C16orf74: variants seen among roughly 807,000 people sequenced by gnomAD.
C16orf74 encodes the protein calcimembrin.
C16orf74 carries 10 observed loss-of-function variants against 6.5 expected under a neutral mutation model. That is an observed-to-expected ratio of 1.54 (90% CI 0.95 to 2.61). C16orf74 has a LOEUF of 2.61. C16orf74 is among the 30% of genes most tolerant of loss of function. The probability of loss-of-function intolerance (pLI) is 0.00; values close to 1 mark genes in which losing one functional copy is unlikely to be tolerated. For missense variants in C16orf74, 141 were observed against 105.9 expected, an observed-to-expected ratio of 1.33 and a Z score of -1.45; for synonymous variants, 60 against 42.5, an observed-to-expected ratio of 1.41 and a Z score of -1.60.
intron 2 of C16orf74, among the ~76,000 whole-genome samples, chr16:85,727,713 C>G (rs896058470): frequency 1.3e-5 from 2 of 151,936 alleles, no homozygotes; most frequent in African/African-American, 4.8e-5. Flanking sequence ...ACTTGGGAGG[C>G]TGAGGTGGGA....
At chr16:85,743,102 C>G (rs1315623755) in intron 1 of C16orf74, among the ~76,000 whole-genome samples, 2 of 152,088 alleles carry the variant, frequency 1.3e-5, no homozygotes, top group Admixed American at 1.3e-4. Flanking sequence ...GTGTGGAGAG[C>G]CCTGTCCACT....
intron 1 of C16orf74, among the ~76,000 whole-genome samples, chr16:85,736,565 G>C (rs891312474): frequency 7.9e-5 from 12 of 152,224 alleles, no homozygotes; most frequent in African/African-American, 1.9e-4. Context: ...CCGGGGCCTT[G>C]GGAAGGGAGG....
At position 85,718,135 on chromosome 16, in the gene C16orf74, C is replaced by T. The variant is rs185944928; in HGVS notation, c.29-7828G>A. ...TTTGAGACAGGGTCTCTCTCTGTGGCTCAGGTTCACTGCAGCCTGGACTTC... is the reference window on the plus strand; with the variant it reads ...TTTGAGACAGGGTCTCTCTCTGTGGTTCAGGTTCACTGCAGCCTGGACTTC... On this transcript the variant is annotated intron_variant, in intron 2 of 3. Transcript: ENST00000284245. Among the ~76,000 whole-genome samples, 958 of 152,308 alleles carry T rather than the reference C, an allele frequency of 6.3e-3. 8 individuals are homozygous for T. Among genetic ancestry groups the T allele is most frequent in the African/African-American group, 0.022 (925 of 41,576 alleles).
chr16:85,712,469 C>T (rs992156341), intron 2 of C16orf74, among the ~76,000 whole-genome samples: 3 of 152,236 alleles, frequency 2.0e-5, no homozygotes, highest in African/African-American at 7.2e-5. Context: ...GGGGAAATCA[C>T]AGGAGGCTTC....
chr16:85,735,342 T>C (rs776511410), intron 1 of C16orf74, 107 bp from the exon 2 acceptor site: 15 of 619,016 alleles, frequency 2.4e-5, no homozygotes, highest in South Asian at 7.6e-5. Flanking sequence ...AAACAGGAGG[T>C]TGTGGTGGAG....
At chr16:85,724,619 C>A (rs74425562) in intron 2 of C16orf74, among the ~76,000 whole-genome samples, 5,803 of 151,632 alleles carry the variant, frequency 0.038, 138 homozygotes, top group South Asian at 0.065. Context: ...CGCTGAGCTC[C>A]CTGTGGGATG....
chr16:85,712,776 G>A (rs1457732657), intron 2 of C16orf74, among the ~76,000 whole-genome samples: 1 of 152,234 alleles, frequency 6.6e-6, no homozygotes, highest in Non-Finnish European at 1.5e-5. Context: ...TGCCTAAAAA[G>A]AGGTCTGGTC....
intron 2 of C16orf74, among the ~76,000 whole-genome samples, chr16:85,721,032 A>T (rs542882825): frequency 6.6e-6 from 1 of 152,266 alleles, no homozygotes; most frequent in Admixed American, 6.5e-5. Flanking sequence ...CAGAGGTTGC[A>T]GTGAACCAAG....
At chr16:85,744,640 C>T (rs866181973) in intron 1 of C16orf74, among the ~76,000 whole-genome samples, 8 of 151,934 alleles carry the variant, frequency 5.3e-5, no homozygotes, top group Admixed American at 2.6e-4. Context: ...ACCATCCTGG[C>T]TAACACGGTG....
intron 2 of C16orf74, among the ~76,000 whole-genome samples, chr16:85,726,920 T>C (rs1290364411): frequency 2.6e-5 from 4 of 152,132 alleles, no homozygotes; most frequent in East Asian, 1.9e-4. Flanking sequence ...CCTTCCCCGC[T>C]CTGTGCCAGG....
intron 1 of C16orf74, among the ~76,000 whole-genome samples, chr16:85,747,100 G>A (rs544394198): frequency 6.6e-6 from 1 of 152,236 alleles, no homozygotes; most frequent in South Asian, 2.1e-4. Context: ...GGCCTCCCAC[G>A]GATGAGCCGT....
rs188920281 is a variant in C16orf74 at position 85,746,914 on chromosome 16, C to T, written c.-19+4012G>A. Among the ~76,000 whole-genome samples, 14 of 152,362 alleles carry T rather than the reference C, an allele frequency of 9.2e-5. No individual in the cohort carries two copies. The East Asian group carries it at 2.7e-3, about 29-fold the overall frequency. On this transcript the variant is annotated intron_variant, in intron 1 of 3. Coordinates refer to ENST00000284245, the MANE Select transcript of C16orf74 (RefSeq NM_206967.3). ...AAAGGAACTGGGTTGGGAAGCGATA[C>T]TGCAAGCATTCATGTGCTTCCATCC...
chr16:85,740,291 C>T (rs1296672755), intron 1 of C16orf74, among the ~76,000 whole-genome samples: 11 of 149,918 alleles, frequency 7.3e-5, no homozygotes, highest in Admixed American at 4.0e-4. Context: ...TGGTGGCTCA[C>T]GCCTTGTAAT....
chr16:85,720,615 T>C (rs190519287), intron 2 of C16orf74, among the ~76,000 whole-genome samples: 2 of 151,422 alleles, frequency 1.3e-5, no homozygotes, highest in African/African-American at 4.9e-5. Context: ...TCTAAAAAAA[T>C]TTTTTTTTAA....
chr16:85,725,363 C>T (rs145546850), intron 2 of C16orf74, among the ~76,000 whole-genome samples: 19 of 152,300 alleles, frequency 1.2e-4, no homozygotes, highest in African/African-American at 3.8e-4. Context: ...CAGTCCCCAC[C>T]GCAGCCCCAT....
intron 1 of C16orf74, among the ~76,000 whole-genome samples, chr16:85,737,961 A>T (rs1308428099): frequency 3.7e-5 from 5 of 136,926 alleles, no homozygotes; most frequent in Admixed American, 1.5e-4. Context: ...TTTTTTTGTG[A>T]TTTTTTTTTT....
chr16:85,735,226 C>T lies in C16orf74; in HGVS notation c.-9G>A. On this transcript the variant is annotated 5_prime_UTR_variant, in exon 2 of 4. Transcript: ENST00000284245. ...GACATCTTAAGCCCCATGTCGGCAC[C>T]TCTGCAGGCCTGTGGAGAGAGGACA... The T allele has an allele frequency of 6.3e-7, 1 of 1,594,934 alleles. No homozygotes were observed. The highest frequency in any genetic ancestry group is 1.4e-5 in the African/African-American group (1 of 73,722).
At position 85,740,843 on chromosome 16, in the gene C16orf74, A is replaced by AAAG. The variant is rs1555588261; in HGVS notation, c.-18-5609_-18-5608insCTT. On this transcript the variant is annotated intron_variant, in intron 1 of 3. Transcript: ENST00000284245. The stretch of plus-strand genomic sequence containing the variant: ...TGAGACCCTCAAAAAAAAAAAAAAA[A>AAAG]AAAGAAAGAAAATATACACTGACGT... Among the ~76,000 whole-genome samples, 17 of 151,326 alleles carry AAAG rather than the reference A, an allele frequency of 1.1e-4. 1 individual carries two copies. The highest frequency in any genetic ancestry group is 4.1e-4 in the African/African-American group (17 of 41,296).
chr16:85,709,007 G>A (rs1459310215), intron 3 of C16orf74, among the ~76,000 whole-genome samples: 1 of 152,252 alleles, frequency 6.6e-6, no homozygotes, highest in Non-Finnish European at 1.5e-5. Context: ...GCATGCCTGC[G>A]GCACCCGTGA....
Sources: gnomAD v4.1 joint callset for allele counts (sites outside exome capture counted in the v4.1 genomes callset) on GRCh38, gnomAD v4.1.1 for gene constraint, MANE v1.5 for transcripts, NCBI Gene and HGNC (gene_info 2026-07-23, HGNC 2026-07-21) for gene names.